Variants in MROH2A observed in about 807,000 individuals in gnomAD.
The protein encoded by MROH2A is maestro heat-like repeat-containing protein family member 2A.
A neutral mutation model predicts 200.4 loss-of-function variants in MROH2A; 174 were observed. The ratio of observed to expected loss-of-function variants is 0.87; its 90% CI spans 0.77 to 0.98. The LOEUF (loss-of-function observed/expected upper bound fraction) is 0.98, where lower values mean the gene tolerates loss of function less well. Ranked by LOEUF, MROH2A falls within the 50% of genes least tolerant of loss-of-function variation. MROH2A has a pLI of 0.00. For synonymous variants in MROH2A, 829 were observed against 840.4 expected (o/e 0.99, Z 0.23); for missense variants, 2,045 against 2,139.6 (o/e 0.96, Z 0.87).
intron 35 of MROH2A, among the ~76,000 whole-genome samples, chr2:233,824,499 C>T (rs556627119): frequency 2.0e-5 from 3 of 152,330 alleles, no homozygotes; most frequent in African/African-American, 7.2e-5. Context: ...GTTGTCTCAC[C>T]CAGGACCTGT....
intron 30 of MROH2A, 109 bp from the exon 31 acceptor site, chr2:233,819,793 C>T (rs1703811103): frequency 7.9e-7 from 1 of 1,259,502 alleles, no homozygotes; most frequent in Non-Finnish European, 1.1e-6. Context: ...CTTAACCTCC[C>T]CATTGTCCAA....
At chr2:233,800,423 G>C in intron 14 of MROH2A, 108 bp downstream of exon 14, 1 of 691,058 alleles carries the variant, frequency 1.4e-6, no homozygotes, top group Non-Finnish European at 2.4e-6. Context: ...CTGCTGTCTG[G>C]AGTGTTGAGG....
chr2:233,801,601 T>A (rs1309342485), intron 14 of MROH2A, among the ~76,000 whole-genome samples: 1 of 152,212 alleles, frequency 6.6e-6, no homozygotes, highest in Non-Finnish European at 1.5e-5. Flanking sequence ...GAATATCTTC[T>A]TCCTCAGAGA....
rs1029637830 is a variant in MROH2A at position 233,828,594 on chromosome 2, GC to G, written c.4114-33del. 2 of 1,543,482 alleles carry G rather than the reference GC, an allele frequency of 1.3e-6. No individual in the cohort carries two copies. The highest frequency in any genetic ancestry group is 2.7e-5 in the African/African-American group (2 of 72,812). On this transcript the variant is annotated intron_variant, in intron 35 of 41. Coordinates refer to ENST00000389758, the MANE Select transcript of MROH2A (RefSeq NM_001394639.1). The surrounding 1 kb of genome is among the most constrained non-coding windows in gnomAD (Gnocchi z 4.6). Reference sequence around the variant, plus strand: ...CACCTTGCTGCTGAGAAATGAGCCCGCCCTGGGGATAACTGCCCAATGTCCT... The same window carrying G: ...CACCTTGCTGCTGAGAAATGAGCCCGCCTGGGGATAACTGCCCAATGTCCT...
chr2:233,803,387 T>C (rs1189175543), intron 15 of MROH2A, 61 bp from the exon 16 acceptor site: 2 of 1,537,080 alleles, frequency 1.3e-6, no homozygotes, highest in African/African-American at 1.4e-5. Flanking sequence ...GATGGGGACA[T>C]AGGAGCATGT....
At position 233,828,714 on chromosome 2, in the gene MROH2A, G is replaced by T; in HGVS notation, c.4198G>T (p.Asp1400Tyr). 1 of 1,550,704 alleles carries T rather than the reference G, an allele frequency of 6.4e-7. No individual in the cohort carries two copies. The change falls in exon 36 of 42, where the codon GAC becomes TAC. Residue 1400 changes from aspartate (D) to tyrosine (Y), a missense_variant. Asp to Tyr is a radical substitution (Grantham distance 160). Transcript: ENST00000389758. The surrounding 1 kb of genome is among the most constrained non-coding windows in gnomAD (Gnocchi z 4.6). Reference sequence around the variant, plus strand: ...GGAGAAGGGTGCCGACCAGGAGGAAGACGAGGCCCTGCGGGTGCTGTCCCT... The same window carrying T: ...GGAGAAGGGTGCCGACCAGGAGGAATACGAGGCCCTGCGGGTGCTGTCCCT... ...LLEKGADQEE[D>Y]EALRVLSLRA...
At chr2:233,797,233 T>C (rs1702171685) in intron 11 of MROH2A, among the ~76,000 whole-genome samples, 1 of 152,352 alleles carries the variant, frequency 6.6e-6, no homozygotes, top group African/African-American at 2.4e-5. Flanking sequence ...GTGACAGAGA[T>C]GTAAATCAAT....
intron 24 of MROH2A, 34 bp from the exon 25 acceptor site, chr2:233,813,636 G>T: frequency 7.3e-7 from 1 of 1,374,538 alleles, no homozygotes; most frequent in South Asian, 1.3e-5. Context: ...ACTCCCCAAT[G>T]ACTGTTCCTC....
In MROH2A at chr2:233,813,704, A is replaced by C. The variant is rs1462475196; in HGVS notation, c.2686A>C (p.Ser896Arg). ...GCCTTTCTACTCCACAGAGGAAAAC[A>C]GTGAGCTGATGGATATCAGCATACA... Reference protein sequence around the residue: ...LKPFYSTEENSELMDISIHSV... With the variant: ...LKPFYSTEENRELMDISIHSV... The change falls in exon 25 of 42, where the codon AGT becomes CGT. Residue 896 changes from serine to arginine, a missense_variant. Around this residue, in one of 3 missense-constraint regions of MROH2A, gnomAD observed 1,201 missense variants for 1,311.3 expected, o/e 0.92. Coordinates refer to ENST00000389758, the MANE Select transcript of MROH2A (RefSeq NM_001394639.1). The C allele has an allele frequency of 1.5e-5, 23 of 1,550,138 alleles. No individual in the cohort carries two copies. The highest frequency in any genetic ancestry group is 2.0e-5 in the Non-Finnish European group (23 of 1,146,726).
At chr2:233,819,857 A>G in intron 30 of MROH2A, 45 bp from the exon 31 acceptor site, 2 of 1,460,228 alleles carry the variant, frequency 1.4e-6, no homozygotes, top group Non-Finnish European at 1.8e-6. Flanking sequence ...GCAGGAGGCC[A>G]TAGGGGCCTG....
chr2:233,817,112 C>T (rs561699192), intron 27 of MROH2A, among the ~76,000 whole-genome samples: 77 of 152,218 alleles, frequency 5.1e-4, no homozygotes, highest in African/African-American at 1.8e-3. Context: ...GCTTCTGTAG[C>T]GGTGAGAGCC....
At chr2:233,794,570 T>A (rs562555950) in intron 8 of MROH2A, 64 bp downstream of exon 8, 18 of 852,802 alleles carry the variant, frequency 2.1e-5, no homozygotes, top group Admixed American at 1.9e-4. Context: ...TCCCAAGTGT[T>A]TAAAGGGGAT....
intron 27 of MROH2A, among the ~76,000 whole-genome samples, chr2:233,817,460 T>C (rs1015041080): frequency 6.6e-6 from 1 of 152,076 alleles, no homozygotes; most frequent in African/African-American, 2.4e-5. Context: ...ACCCTGGTCC[T>C]GGGCACCTGG....
intron 12 of MROH2A, among the ~76,000 whole-genome samples, chr2:233,799,372 T>C (rs950507012): frequency 1.3e-5 from 2 of 152,056 alleles, no homozygotes; most frequent in African/African-American, 4.8e-5. Context: ...GCTAGAGATT[T>C]AGGCAGAGCT....
chr2:233,778,732 A>G (rs576693155), intron 1 of MROH2A, among the ~76,000 whole-genome samples: 1 of 152,360 alleles, frequency 6.6e-6, no homozygotes, highest in East Asian at 1.9e-4. Context: ...CTCATTAGCC[A>G]TTAATTATCA....
intron 5 of MROH2A, among the ~76,000 whole-genome samples, chr2:233,791,346 C>T (rs539269363): frequency 4.6e-5 from 7 of 152,126 alleles, no homozygotes; most frequent in South Asian, 4.2e-4. Context: ...GGCTCTGAGA[C>T]GGGACCTGCT....
chr2:233,798,890 G>A lies in MROH2A; in HGVS notation c.1329+40G>A, dbSNP rs759288307. ...ACCTGGAAATGGGGGGCACTCAGGG[G>A]ACCCTGCCAGGGAGGCAAAGGGAAG... is the stretch of plus-strand genomic sequence containing the variant. On this transcript the variant is annotated intron_variant, in intron 12 of 41. Coordinates refer to ENST00000389758, the MANE Select transcript of MROH2A (RefSeq NM_001394639.1). 1.4e-5 allele frequency: 21 copies of A among 1,499,724 alleles called. No individual in the cohort carries two copies. The South Asian group carries it at 2.4e-4, about 17-fold the overall frequency. The allele number at this position is 1,499,724 out of a possible 1,614,324, so 92.9% of individuals were successfully genotyped here. A position where few individuals can be genotyped will look rare whatever the true frequency, so the allele number is the denominator to read the frequency against.
Position 233,823,136 on chromosome 2 carries a change from A to T in MROH2A, c.4004+118A>T, listed in dbSNP as rs1196778010. On this transcript the variant is annotated intron_variant, in intron 34 of 41. Coordinates refer to ENST00000389758, the MANE Select transcript of MROH2A (RefSeq NM_001394639.1). ...TGGCTGAAGGCCTTCTTTCTGGGGGAACTGCCACGCCAACCTGTGACTCTA... is the reference window on the plus strand; with the variant it reads ...TGGCTGAAGGCCTTCTTTCTGGGGGTACTGCCACGCCAACCTGTGACTCTA... The T allele has an allele frequency of 2.7e-6, 3 of 1,094,718 alleles. No homozygotes were observed. The Admixed American group carries it at 7.5e-5, about 27-fold the overall frequency. 67.8% of individuals were successfully genotyped at this position (1,094,718 alleles called of 1,614,324 possible). A position where few individuals can be genotyped will look rare whatever the true frequency, so the allele number is the denominator to read the frequency against.
chr2:233,828,809 C>G lies in MROH2A; in HGVS notation c.4263+30C>G. 1 of 1,549,040 alleles carries G rather than the reference C, an allele frequency of 6.5e-7. No individual in the cohort carries two copies. The highest frequency in any genetic ancestry group is 8.7e-7 in the Non-Finnish European group (1 of 1,146,006). On this transcript the variant is annotated intron_variant, in intron 36 of 41. Coordinates refer to ENST00000389758, the MANE Select transcript of MROH2A (RefSeq NM_001394639.1). The surrounding 1 kb of genome is among the most constrained non-coding windows in gnomAD (Gnocchi z 4.6). Reference sequence around the variant, plus strand: ...TGTGCCTGGCCCTGGGCCCAGGTCCCGGGAGCTGAGGGTGCAGGCCGGGTG... The same window carrying G: ...TGTGCCTGGCCCTGGGCCCAGGTCCGGGGAGCTGAGGGTGCAGGCCGGGTG...
Sources: allele counts gnomAD v4.1 joint callset (sites outside exome capture counted in the v4.1 genomes callset), GRCh38; gene constraint gnomAD v4.1.1; regional missense constraint gnomAD v4.1.1; non-coding constraint Gnocchi (gnomAD v3.1); transcripts MANE v1.5; gene names NCBI Gene and HGNC (gene_info 2026-07-23, HGNC 2026-07-21).